The following EFCAB14 variants were observed in gnomAD, a reference collection of about 807,000 sequenced individuals.
EFCAB14 encodes EF-hand calcium-binding domain-containing protein 14.
A neutral mutation model predicts 56.5 loss-of-function variants in EFCAB14; 43 were observed. The observed-to-expected ratio is 0.76, with a 90% CI of 0.60 to 0.98. EFCAB14 has a LOEUF of 0.98. Among genes scored for constraint, EFCAB14 ranks in the 50% least tolerant of loss-of-function variants. The pLI is 0.00. For missense variants in EFCAB14, 538 were observed against 580.3 expected (o/e 0.93, Z 0.75); for synonymous variants, 235 against 212.9 (o/e 1.10, Z -0.90).
At chr1:46,716,468 A>G (rs1404843950) in intron 1 of EFCAB14, 25 bp from the exon 2 acceptor site, 1 of 1,613,296 alleles carries the variant, frequency 6.2e-7, no homozygotes, top group African/African-American at 1.3e-5. Flanking sequence ...AAATTCAACC[A>G]TGAGTACAAA....
At chr1:46,710,052 C>T (rs1423882469) in intron 2 of EFCAB14, among the ~76,000 whole-genome samples, 2 of 152,124 alleles carry the variant, frequency 1.3e-5, no homozygotes, top group African/African-American at 4.8e-5. Flanking sequence ...CAAGATCCCC[C>T]ACAAAATGAG....
Position 46,707,926 on chromosome 1 carries a change from T to C in EFCAB14, c.460A>G (p.Ile154Val). ...AGTACCTGCTTATTCATTTCTGTGA[T>C]GTTTATCCAGACTTTGTTCAAACCC... is the stretch of plus-strand genomic sequence containing the variant. ...EMGLNKVWIN[I>V]TEMNKQISLL... Residue 154 changes from isoleucine to valine, a missense_variant, in exon 3 of 11, where the codon ATC becomes GTC. Physicochemically the swap from Ile to Val is conservative, Grantham distance 29. Transcript: ENST00000371933. The C allele has an allele frequency of 1.2e-6, 2 of 1,610,590 alleles. No homozygotes were observed. The highest frequency in any genetic ancestry group is 2.2e-5 in the South Asian group (2 of 90,830).
At chr1:46,684,654 T>A in intron 8 of EFCAB14, 52 bp from the exon 9 acceptor site, 1 of 1,440,850 alleles carries the variant, frequency 6.9e-7, no homozygotes, top group Non-Finnish European at 9.8e-7. Flanking sequence ...AGACTTCATC[T>A]AAGTGTCCAC....
chr1:46,695,659 G>A (rs930871245), intron 4 of EFCAB14, among the ~76,000 whole-genome samples: 1 of 151,982 alleles, frequency 6.6e-6, no homozygotes, highest in Non-Finnish European at 1.5e-5. Context: ...CTTTATGTTC[G>A]AATTAGGCAC....
At chr1:46,688,325 ATG>A (rs1557441903) in intron 7 of EFCAB14, 26 bp downstream of exon 7, 1 of 1,604,962 alleles carries the variant, frequency 6.2e-7, no homozygotes, top group South Asian at 1.1e-5. Context: ...AACACACTGC[ATG>A]TCACAAAAGA....
intron 3 of EFCAB14, among the ~76,000 whole-genome samples, chr1:46,707,301 T>C (rs1677246750): frequency 6.6e-6 from 1 of 152,380 alleles, no homozygotes; most frequent in South Asian, 2.1e-4. Context: ...GGTATCCTTA[T>C]ACATACAAGA....
chr1:46,684,684 T>A, intron 8 of EFCAB14, 82 bp from the exon 9 acceptor site: 2 of 1,152,050 alleles, frequency 1.7e-6, no homozygotes, highest in African/African-American at 1.5e-5. Context: ...AGAGCCTGTT[T>A]AGCATGTAGT....
At chr1:46,680,208 T>TGGA (rs1453256504) in intron 10 of EFCAB14, among the ~76,000 whole-genome samples, 1 of 152,164 alleles carries the variant, frequency 6.6e-6, no homozygotes, top group Non-Finnish European at 1.5e-5. Context: ...TTCCTAGGTA[T>TGGA]ATATATACTC....
chr1:46,688,235 A>G, intron 7 of EFCAB14, 118 bp downstream of exon 7: 1 of 957,220 alleles, frequency 1.0e-6, no homozygotes, highest in East Asian at 2.4e-5. Flanking sequence ...AGGATTAAGC[A>G]CAACACAAAT....
chr1:46,689,457 T>C, intron 6 of EFCAB14, 130 bp downstream of exon 6: 1 of 786,350 alleles, frequency 1.3e-6, no homozygotes, highest in South Asian at 1.7e-5. Flanking sequence ...CATTCCTCTC[T>C]GCTCAGCTCC....
chr1:46,694,361 A>T (rs1010600331), intron 4 of EFCAB14, among the ~76,000 whole-genome samples: 45 of 152,326 alleles, frequency 3.0e-4, no homozygotes, highest in African/African-American at 9.1e-4. Flanking sequence ...GAATCTACAA[A>T]GAACTTAAAC....
chr1:46,685,201 CG>C (rs1347334002), intron 8 of EFCAB14: 2 of 152,200 alleles, frequency 1.3e-5, no homozygotes, highest in African/African-American at 4.8e-5. Context: ...CTTGCTTGCT[CG>C]TATCTTTTAA....
intron 7 of EFCAB14, among the ~76,000 whole-genome samples, chr1:46,687,618 T>C (rs148307404): frequency 2.8e-4 from 43 of 152,346 alleles, no homozygotes; most frequent in African/African-American, 9.6e-4. Context: ...TTTAAATATA[T>C]GCCTGTGTCT....
chr1:46,683,014 G>GT (rs112955604), intron 10 of EFCAB14, among the ~76,000 whole-genome samples: 37,933 of 151,850 alleles, frequency 0.25, 4,944 homozygotes, highest in East Asian at 0.35. Flanking sequence ...TAAAAAAAAA[G>GT]CACAAGCTTT....
chr1:46,705,164 T>G (rs569058673), intron 3 of EFCAB14, among the ~76,000 whole-genome samples: 14 of 152,346 alleles, frequency 9.2e-5, no homozygotes, highest in African/African-American at 3.1e-4. Flanking sequence ...AGAAAACCAC[T>G]CAGACAGAGA....
At chr1:46,685,437 T>A (rs1557440686) in intron 8 of EFCAB14, among the ~76,000 whole-genome samples, 1 of 152,342 alleles carries the variant, frequency 6.6e-6, no homozygotes, top group East Asian at 1.9e-4. Context: ...ATTGTTAACT[T>A]CTCTTGCCCC....
rs920734132 is a variant in EFCAB14 at position 46,688,420 on chromosome 1, T to C, written c.920A>G (p.Asn307Ser). ...ETVSNLTQRV[N>S]LIESDVVAMS... is the part of the protein sequence containing the mutation. The stretch of plus-strand genomic sequence containing the variant: ...AGCAACCACATCGCTTTCTATCAGG[T>C]TGACTCTCTGGGTAAGATTACTGAC... The change falls in exon 7 of 11, where the codon AAC becomes AGC. Residue 307 changes from asparagine (N) to serine (S), a missense_variant. Coordinates refer to ENST00000371933, the MANE Select transcript of EFCAB14 (RefSeq NM_014774.3). The C allele has an allele frequency of 3.7e-6, 6 of 1,613,906 alleles. No individual in the cohort carries two copies. Among genetic ancestry groups the C allele is most frequent in the Non-Finnish European group, 5.1e-6 (6 of 1,179,940 alleles).
rs190595265 is a variant in EFCAB14 at position 46,713,424 on chromosome 1, T to C, written c.334+2871A>G. Reference sequence around the variant, plus strand: ...AATTCTTGACATCTCCTGAAGACAATATAGTATTTCCAGGGATTGGTATTA... The same window carrying C: ...AATTCTTGACATCTCCTGAAGACAACATAGTATTTCCAGGGATTGGTATTA... On this transcript the variant is annotated intron_variant, in intron 2 of 10. Transcript: ENST00000371933. Among the ~76,000 whole-genome samples the C allele has an allele frequency of 3.6e-4, 55 of 152,300 alleles. No individual in the cohort carries two copies. In the East Asian group the frequency reaches 9.1e-3, roughly 25 times the overall value.
intron 3 of EFCAB14, among the ~76,000 whole-genome samples, chr1:46,703,992 G>A (rs1211061664): frequency 6.6e-6 from 1 of 152,144 alleles, no homozygotes; most frequent in East Asian, 1.9e-4. Context: ...ACTCCTATTT[G>A]CCCTTCAGGA....
Sources: gnomAD v4.1 joint callset for allele counts (sites outside exome capture counted in the v4.1 genomes callset) on GRCh38, gnomAD v4.1.1 for gene constraint, MANE v1.5 for transcripts, NCBI Gene and HGNC (gene_info 2026-07-23, HGNC 2026-07-21) for gene names.